The following CAST variants were observed in gnomAD, a reference collection of about 807,000 sequenced individuals.
CAST encodes the protein MIR583 host.
CAST carries 76 observed loss-of-function variants against 119.6 expected under a neutral mutation model. That is an observed-to-expected ratio of 0.64 (90% confidence interval 0.53 to 0.77). The LOEUF is 0.77. CAST is among the 30% of genes least tolerant of loss of function. The pLI is 0.00. For synonymous variants in CAST, 319 were observed against 331.6 expected (o/e 0.96, Z 0.41); for missense variants, 953 against 946.5 (o/e 1.01, Z -0.09).
At chr5:96,074,315 G>C in the CAST span, among the ~76,000 whole-genome samples, 70 of 152,322 alleles carry the variant, frequency 4.6e-4, no homozygotes, top group Non-Finnish European at 7.8e-4. Context: ...CAGTGTGGTG[G>C]TATTTGGAGT....
At chr5:96,201,909 G>C in the CAST span, among the ~76,000 whole-genome samples, 3 of 151,896 alleles carry the variant, frequency 2.0e-5, no homozygotes, top group African/African-American at 7.3e-5. Flanking sequence ...AAGGGGCAAA[G>C]TTTGGCTATC....
At chr5:96,416,176 T>G in the CAST span, 3 of 1,196,168 alleles carry the variant, frequency 2.5e-6, no homozygotes, top group Non-Finnish European at 3.7e-6. Context: ...ACATTTGTTT[T>G]GCATATGAAT....
At chr5:96,540,052 A>G (rs555802697) in intron 1 of CAST, among the ~76,000 whole-genome samples, 1 of 152,248 alleles carries the variant, frequency 6.6e-6, no homozygotes, top group East Asian at 1.9e-4. Flanking sequence ...AGCTTCAAAT[A>G]TGTGTAGTAT....
chr5:96,119,739 C>T, the CAST span, among the ~76,000 whole-genome samples: 1 of 152,324 alleles, frequency 6.6e-6, no homozygotes, highest in South Asian at 2.1e-4. Flanking sequence ...TTAAAATATA[C>T]TTCCTTTGAT....
At chr5:96,452,015 A>T in the CAST span, among the ~76,000 whole-genome samples, 1 of 152,220 alleles carries the variant, frequency 6.6e-6, no homozygotes, top group South Asian at 2.1e-4. Flanking sequence ...GGATGTGGAG[A>T]AATAGGAACA....
chr5:96,178,971 G>C, the CAST span, among the ~76,000 whole-genome samples: 1 of 152,190 alleles, frequency 6.6e-6, no homozygotes, highest in African/African-American at 2.4e-5. Flanking sequence ...AGAAGAGAGA[G>C]AAACTTAGGG....
At chr5:96,547,243 C>T (rs370391629) in intron 1 of CAST, among the ~76,000 whole-genome samples, 25 of 152,186 alleles carry the variant, frequency 1.6e-4, no homozygotes, top group African/African-American at 4.8e-4. Context: ...ATATGCCATA[C>T]GCAAGCTGAA....
chr5:96,486,951 A>G, the CAST span, among the ~76,000 whole-genome samples: 5 of 151,462 alleles, frequency 3.3e-5, no homozygotes, highest in African/African-American at 7.2e-5. Flanking sequence ...TGTGCATGCT[A>G]TGTAAAAGGA....
intron 1 of CAST, among the ~76,000 whole-genome samples, chr5:96,587,623 C>T (rs899831907): frequency 6.6e-6 from 1 of 152,114 alleles, no homozygotes; most frequent in African/African-American, 2.4e-5. Context: ...AATAAGAATA[C>T]TGAACATACT....
At chr5:96,241,891 G>A in the CAST span, among the ~76,000 whole-genome samples, 14 of 144,636 alleles carry the variant, frequency 9.7e-5, no homozygotes, top group Admixed American at 4.1e-4. Flanking sequence ...CATGTCCTTC[G>A]CCCACTTTTT....
the CAST span, among the ~76,000 whole-genome samples, chr5:96,345,504 C>A: frequency 6.6e-6 from 1 of 152,292 alleles, no homozygotes; most frequent in South Asian, 2.1e-4. Flanking sequence ...TAACTCAGTG[C>A]AAATGCATGC....
At chr5:96,366,772 A>C in the CAST span, among the ~76,000 whole-genome samples, 2 of 152,196 alleles carry the variant, frequency 1.3e-5, no homozygotes, top group Non-Finnish European at 2.9e-5. Context: ...GATGGGTTCA[A>C]ACTTCCTCCT....
the CAST span, among the ~76,000 whole-genome samples, chr5:96,333,162 A>T: frequency 6.6e-6 from 1 of 151,256 alleles, no homozygotes; most frequent in East Asian, 2.0e-4. Flanking sequence ...TGAAGCGGTG[A>T]CCCAGTTAAC....
chr5:96,496,495 G>T, the CAST span, among the ~76,000 whole-genome samples: 4 of 152,204 alleles, frequency 2.6e-5, no homozygotes, highest in African/African-American at 9.7e-5. Context: ...CTGGCATATG[G>T]ATAGGCTTAG....
Position 96,605,488 on chromosome 5 carries a change from C to T in CAST, c.61-70051C>T, listed in dbSNP as rs146291549. On this transcript the variant is annotated intron_variant, in intron 1 of 11. Coordinates refer to the CAST transcript ENST00000505143. ...GTCTTCCAACATATTTTGCCTTCTC[C>T]TGATCTTGTAGCATTTTTCCCTTTT... Among the ~76,000 whole-genome samples the T allele has an allele frequency of 1.2e-3, 187 of 152,322 alleles. 1 individual carries two copies. Among genetic ancestry groups the T allele is most frequent in the Non-Finnish European group, 2.2e-3 (151 of 68,022 alleles).
At chr5:96,049,556 G>T in the CAST span, among the ~76,000 whole-genome samples, 1 of 152,274 alleles carries the variant, frequency 6.6e-6, no homozygotes, top group African/African-American at 2.4e-5. Flanking sequence ...GGGTGAGGGA[G>T]TTGCCTTACT....
upstream of CAST, among the ~76,000 whole-genome samples, chr5:96,660,779 T>A (rs1748320754): frequency 6.6e-6 from 1 of 152,146 alleles, no homozygotes; most frequent in African/African-American, 2.4e-5. Context: ...GTTTTCAGAC[T>A]TATGGCATAG....
chr5:96,200,995 T>A, the CAST span, among the ~76,000 whole-genome samples: 1 of 152,002 alleles, frequency 6.6e-6, no homozygotes, highest in Non-Finnish European at 1.5e-5. Flanking sequence ...TTTCAAGTCA[T>A]GTAATAATAA....
intron 1 of CAST, among the ~76,000 whole-genome samples, chr5:96,619,986 C>T (rs746455935): frequency 6.6e-6 from 1 of 152,216 alleles, no homozygotes; most frequent in Admixed American, 6.5e-5. Context: ...ATAAAGACAA[C>T]ACCCATATGT....
Sources: allele counts gnomAD v4.1 joint callset (sites outside exome capture counted in the v4.1 genomes callset), GRCh38; gene constraint gnomAD v4.1.1; transcripts MANE v1.5; gene names NCBI Gene and HGNC (gene_info 2026-07-23, HGNC 2026-07-21).